PIP5K1B: variants seen among roughly 807,000 people sequenced by gnomAD.
PIP5K1B encodes the protein phosphatidylinositol 4-phosphate 5-kinase type-1 beta.
A neutral mutation model predicts 67.0 loss-of-function variants in PIP5K1B; 42 were observed. That is an observed-to-expected ratio of 0.63 (90% CI 0.49 to 0.81). The LOEUF is 0.81. Among genes scored for constraint, PIP5K1B ranks in the 30% least tolerant of loss-of-function variants. The pLI is 0.00. For missense variants in PIP5K1B, 459 were observed against 646.3 expected (o/e 0.71, Z 3.14); for synonymous variants, 214 against 231.4 (o/e 0.92, Z 0.68).
intron 4 of PIP5K1B, among the ~76,000 whole-genome samples, chr9:68,828,322 G>A (rs958840954): frequency 1.3e-5 from 2 of 152,220 alleles, no homozygotes; most frequent in Non-Finnish European, 2.9e-5. Context: ...GTGGCACCGA[G>A]GCCTCGCCTA....
chr9:68,928,939 C>T (rs755717970), intron 12 of PIP5K1B, among the ~76,000 whole-genome samples: 13 of 152,020 alleles, frequency 8.6e-5, no homozygotes, highest in African/African-American at 2.9e-4. Flanking sequence ...CCGGGGTGGG[C>T]GGATCACGAG....
chr9:68,789,789 G>A (rs1831856200), intron 2 of PIP5K1B: 1 of 189,962 alleles, frequency 5.3e-6, no homozygotes, highest in South Asian at 1.0e-4. Context: ...TACTGCACGA[G>A]CCTGAAGTAT....
At position 68,924,316 on chromosome 9, in the gene PIP5K1B, C is replaced by T. The variant is rs1364746950; in HGVS notation, c.1201+930C>T. ...ACTTAGGAGGCTGAGGCAGGAGAAT[C>T]GCTTGAACCCAGGAGGCGGAGGTTG... is the stretch of plus-strand genomic sequence containing the variant. On this transcript the variant is annotated intron_variant, in intron 12 of 15. Transcript: ENST00000265382. Among the ~76,000 whole-genome samples, 6 of 143,012 alleles carry T rather than the reference C, an allele frequency of 4.2e-5. No homozygotes were observed. The South Asian group carries it at 9.0e-4, about 22-fold the overall frequency. 93.8% of individuals were successfully genotyped at this position (143,012 alleles called of 152,430 possible).
intron 4 of PIP5K1B, among the ~76,000 whole-genome samples, chr9:68,854,485 T>C (rs766284997): frequency 1.4e-4 from 21 of 152,170 alleles, no homozygotes; most frequent in Non-Finnish European, 2.8e-4. Context: ...GTATATTTCA[T>C]GCTGGGGCAG....
At chr9:68,982,986 A>G (rs1313972774) in intron 14 of PIP5K1B, among the ~76,000 whole-genome samples, 3 of 152,186 alleles carry the variant, frequency 2.0e-5, no homozygotes, top group Non-Finnish European at 4.4e-5. Flanking sequence ...TTTATGTCCT[A>G]TGTGAAACAT....
chr9:68,867,224 T>C (rs1436943678), intron 5 of PIP5K1B, among the ~76,000 whole-genome samples: 1 of 152,200 alleles, frequency 6.6e-6, no homozygotes, highest in Non-Finnish European at 1.5e-5. Flanking sequence ...AAAAGAATTA[T>C]TGTCCCGGTT....
intron 2 of PIP5K1B, among the ~76,000 whole-genome samples, chr9:68,812,858 C>G (rs898459950): frequency 2.6e-5 from 4 of 152,224 alleles, no homozygotes; most frequent in Non-Finnish European, 5.9e-5. Context: ...TACTTCTTGT[C>G]AGTTTCTCTT....
intron 14 of PIP5K1B, among the ~76,000 whole-genome samples, chr9:68,959,736 A>C (rs1828614266): frequency 6.6e-6 from 1 of 152,152 alleles, no homozygotes; most frequent in Non-Finnish European, 1.5e-5. Flanking sequence ...ATATTTCCTT[A>C]TACTTTTCCC....
At chr9:68,953,805 TAAAAAA>T (rs71353095) in intron 14 of PIP5K1B, among the ~76,000 whole-genome samples, 3 of 108,608 alleles carry the variant, frequency 2.8e-5, no homozygotes, top group African/African-American at 1.0e-4. Flanking sequence ...GACTCTGTCT[TAAAAAA>T]AAAAAAAAAA....
intron 4 of PIP5K1B, among the ~76,000 whole-genome samples, chr9:68,849,026 G>A (rs1002845703): frequency 1.3e-5 from 2 of 152,192 alleles, no homozygotes; most frequent in African/African-American, 4.8e-5. Context: ...TGGTGAGTAT[G>A]TAAATTGATG....
chr9:68,783,802 C>T (rs1277187377), intron 2 of PIP5K1B: 1 of 167,018 alleles, frequency 6.0e-6, no homozygotes, highest in Non-Finnish European at 1.5e-5. Context: ...CTCTGGTCGG[C>T]TATCCATTCA....
At chr9:68,940,137 G>T (rs1338913486) in intron 13 of PIP5K1B, among the ~76,000 whole-genome samples, 3 of 152,148 alleles carry the variant, frequency 2.0e-5, no homozygotes, top group African/African-American at 7.2e-5. Context: ...AGTATTTATG[G>T]GCTCAGATGG....
chr9:68,780,886 C>T (rs1239180654), intron 2 of PIP5K1B: 1 of 1,614,194 alleles, frequency 6.2e-7, no homozygotes, highest in Admixed American at 1.7e-5. Context: ...TGTGTATCTT[C>T]GGATACCCTT....
intron 2 of PIP5K1B, chr9:68,782,685 TTC>T (rs1364505638): frequency 1.2e-5 from 2 of 167,122 alleles, no homozygotes; most frequent in African/African-American, 4.8e-5. Context: ...AGGTTTAAAA[TTC>T]TCTCTTCTGA....
Position 68,889,188 on chromosome 9 carries a change from A to G in PIP5K1B, c.471+55A>G, listed in dbSNP as rs906201710. On this transcript the variant is annotated intron_variant, in intron 7 of 15. Transcript: ENST00000265382. Reference sequence around the variant, plus strand: ...ACTTGAAGTTTAATTACTTTCCTCAACAGTTTTTTTCTGTTGTTTTTTTCA... The same window carrying G: ...ACTTGAAGTTTAATTACTTTCCTCAGCAGTTTTTTTCTGTTGTTTTTTTCA... 5.0e-6 allele frequency: 7 copies of G among 1,412,708 alleles called. No individual in the cohort carries two copies. In the African/African-American group the frequency reaches 7.2e-5, roughly 14 times the overall value. The allele number at this position is 1,412,708 out of a possible 1,614,324, so 87.5% of individuals were successfully genotyped here.
intron 2 of PIP5K1B, among the ~76,000 whole-genome samples, chr9:68,815,510 C>T (rs1833397014): frequency 6.6e-6 from 1 of 151,746 alleles, no homozygotes; most frequent in Non-Finnish European, 1.5e-5. Context: ...TAAAATAAGT[C>T]AATAAGACAA....
At chr9:68,776,905 G>A (rs764965175) in intron 2 of PIP5K1B, among the ~76,000 whole-genome samples, 54 of 152,082 alleles carry the variant, frequency 3.6e-4, no homozygotes, top group Non-Finnish European at 7.4e-4. Context: ...TGATTCCTTC[G>A]AAAGGAAGTA....
At chr9:68,854,027 TTTATTATTA>T (rs67326015) in intron 4 of PIP5K1B, among the ~76,000 whole-genome samples, 1 of 147,944 alleles carries the variant, frequency 6.8e-6, no homozygotes, top group East Asian at 2.0e-4. Context: ...TATATAAGTT[TTTATTATTA>T]TTATTATTAT....
At chr9:68,940,854 A>G in intron 14 of PIP5K1B, 64 bp downstream of exon 14, 3 of 1,450,956 alleles carry the variant, frequency 2.1e-6, no homozygotes, top group South Asian at 1.2e-5. Context: ...GGCCTGAACC[A>G]GTATCTCTGA....
Sources: allele counts gnomAD v4.1 joint callset (sites outside exome capture counted in the v4.1 genomes callset), GRCh38; gene constraint gnomAD v4.1.1; transcripts MANE v1.5; gene names NCBI Gene and HGNC (gene_info 2026-07-23, HGNC 2026-07-21).